The following BRWD1 variants were observed in gnomAD, a reference collection of about 807,000 sequenced individuals.
BRWD1 encodes bromodomain and WD repeat-containing protein 1.
In BRWD1, 82 loss-of-function variants were observed where a neutral mutation model predicts 251.2. That is an observed-to-expected ratio of 0.33 (90% confidence interval 0.27 to 0.39). The LOEUF (loss-of-function observed/expected upper bound fraction) is 0.39, where lower values mean the gene tolerates loss of function less well. Among genes scored for constraint, BRWD1 ranks in the 10% least tolerant of loss-of-function variants. BRWD1 has a pLI of 1.00. For synonymous variants in BRWD1, 918 were observed against 902.8 expected (o/e 1.02, Z -0.30); for missense variants, 2,233 against 2,711.6 (o/e 0.82, Z 3.92).
chr21:39,279,717 G>A lies in BRWD1; in HGVS notation c.932+431C>T, dbSNP rs1290850590. On this transcript the variant is annotated intron_variant, in intron 9 of 40. Coordinates refer to ENST00000342449, the MANE Select transcript of BRWD1 (RefSeq NM_033656.4). ...AAATGTTTTAATACATTAATCAATT[G>A]TAAGTTTTAAATTTAAATTATCAAT... is the stretch of plus-strand genomic sequence containing the variant. 2.7e-5 allele frequency among the ~76,000 whole-genome samples: 4 copies of A among 149,266 alleles called. No individual in the cohort carries two copies. The South Asian group carries it at 8.5e-4, about 32-fold the overall frequency.
intron 8 of BRWD1, among the ~76,000 whole-genome samples, chr21:39,282,978 G>T (rs1021766204): frequency 6.7e-6 from 1 of 149,032 alleles, no homozygotes. Flanking sequence ...AAAAAAAAAG[G>T]AATTCTAAAC....
rs2031557333 is a variant in BRWD1, at chr21:39,191,571, G to T, written c.*4688C>A. ...GCTTGACAGGCTCATGTAATTTTTT[G>T]ATTGGGATTTTGTAGGTGAATATAT... On this transcript the variant is annotated 3_prime_UTR_variant, in exon 41 of 41. Coordinates refer to ENST00000342449, the MANE Select transcript of BRWD1 (RefSeq NM_033656.4). The T allele has an allele frequency of 1.9e-5, 19 of 984,588 alleles. No individual in the cohort carries two copies. Among genetic ancestry groups the T allele is most frequent in the Non-Finnish European group, 2.2e-5 (18 of 829,264 alleles). The allele number at this position is 984,588 out of a possible 1,614,324, so 61.0% of individuals were successfully genotyped here. A position where few individuals can be genotyped will look rare whatever the true frequency, so the allele number is the denominator to read the frequency against.
chr21:39,316,200 A>G (rs1270750433), upstream of BRWD1, among the ~76,000 whole-genome samples: 2 of 152,240 alleles, frequency 1.3e-5, no homozygotes, highest in African/African-American at 4.8e-5. Context: ...TCATAAGGAT[A>G]GAGAAGAGAC....
At chr21:39,247,860 A>G (rs778693138) in intron 20 of BRWD1, 28 bp from the exon 21 acceptor site, 10 of 1,572,844 alleles carry the variant, frequency 6.4e-6, no homozygotes, top group Non-Finnish European at 8.6e-6. Flanking sequence ...ATGCGAATGA[A>G]AATCAACACC....
intron 4 of BRWD1, 123 bp downstream of exon 4, chr21:39,312,718 C>T (rs1177246612): frequency 3.4e-6 from 2 of 582,904 alleles, no homozygotes; most frequent in Non-Finnish European, 5.7e-6. Context: ...CAGCTATCCC[C>T]GGGCCGCCCC....
chr21:39,225,964 T>C (rs2033366824), intron 27 of BRWD1, among the ~76,000 whole-genome samples: 1 of 152,142 alleles, frequency 6.6e-6, no homozygotes, highest in South Asian at 2.1e-4. Flanking sequence ...TAATTACAAC[T>C]GAATGTAATA....
intron 15 of BRWD1, 59 bp from the exon 16 acceptor site, chr21:39,265,078 A>G: frequency 1.9e-6 from 3 of 1,550,660 alleles, no homozygotes; most frequent in Admixed American, 2.0e-5. Context: ...TTTGCTATGT[A>G]AACTTTTTTA....
chr21:39,317,596 G>A (rs907279416), upstream of BRWD1, among the ~76,000 whole-genome samples: 33 of 152,184 alleles, frequency 2.2e-4, no homozygotes, highest in Admixed American at 2.0e-3. Context: ...CCTTGGCCAC[G>A]TTTCACAAAA....
intron 8 of BRWD1, among the ~76,000 whole-genome samples, chr21:39,286,451 A>G (rs763836403): frequency 3.3e-5 from 5 of 152,174 alleles, no homozygotes; most frequent in Admixed American, 6.5e-5. Context: ...GCATTTTTCA[A>G]TTCTCTTGGA....
At chr21:39,222,254 A>G (rs933540428) in intron 29 of BRWD1, among the ~76,000 whole-genome samples, 6 of 152,222 alleles carry the variant, frequency 3.9e-5, no homozygotes, top group African/African-American at 1.4e-4. Context: ...AGGACTATTC[A>G]CCGCCAAATA....
chr21:39,279,806 CT>C (rs1555874000), intron 9 of BRWD1, among the ~76,000 whole-genome samples: 2 of 152,118 alleles, frequency 1.3e-5, no homozygotes, highest in Non-Finnish European at 2.9e-5. Context: ...CTAGTGACTA[CT>C]GTATTAGACA....
intron 29 of BRWD1, chr21:39,219,414 T>A (rs1423045529): frequency 6.6e-6 from 1 of 151,636 alleles, no homozygotes; most frequent in Non-Finnish European, 1.5e-5. Flanking sequence ...GGCAAGACTC[T>A]GTCTCAAAAA....
chr21:39,274,134 C>A (rs2035204305), intron 13 of BRWD1, among the ~76,000 whole-genome samples: 1 of 152,056 alleles, frequency 6.6e-6, no homozygotes, highest in Non-Finnish European at 1.5e-5. Flanking sequence ...TGCTTTGAAC[C>A]ATAGAAAAAG....
chr21:39,282,601 G>A (rs2035505292), intron 8 of BRWD1, among the ~76,000 whole-genome samples: 1 of 151,938 alleles, frequency 6.6e-6, no homozygotes, highest in Non-Finnish European at 1.5e-5. Context: ...TTGCTAATTG[G>A]ACAAAAAAAT....
intron 8 of BRWD1, among the ~76,000 whole-genome samples, chr21:39,292,283 T>C (rs2035839350): frequency 6.6e-6 from 1 of 152,120 alleles, no homozygotes; most frequent in Non-Finnish European, 1.5e-5. Flanking sequence ...TAAGTCTTAA[T>C]AAATCTTGTC....
chr21:39,229,808 A>G (rs1488904547), intron 25 of BRWD1, among the ~76,000 whole-genome samples: 2 of 152,180 alleles, frequency 1.3e-5, no homozygotes, highest in Non-Finnish European at 2.9e-5. Flanking sequence ...ATCATGGCTC[A>G]CTGCAATCTC....
At chr21:39,312,785 C>A (rs1361375033) in intron 4 of BRWD1, 56 bp downstream of exon 4, 3 of 1,439,826 alleles carry the variant, frequency 2.1e-6, no homozygotes, top group South Asian at 1.2e-5. Flanking sequence ...GGGGAAGGGG[C>A]GGGGGCGGGG....
chr21:39,295,715 T>C, intron 7 of BRWD1, 28 bp downstream of exon 7: 2 of 1,524,948 alleles, frequency 1.3e-6, no homozygotes, highest in Non-Finnish European at 1.8e-6. Flanking sequence ...CTAGATGACA[T>C]CAAATCAAGT....
chr21:39,186,297 A>T lies in BRWD1; in HGVS notation c.*9962T>A, dbSNP rs1161983090. ...TGATAGTAACATTCATAGCTTTCAT[A>T]GAAAAATATATATTCCCTGAATTAG... is the stretch of plus-strand genomic sequence containing the variant. On this transcript the variant is annotated 3_prime_UTR_variant, in exon 41 of 41. Transcript: ENST00000342449. The T allele has an allele frequency of 6.6e-6, 1 of 152,250 alleles. No homozygotes were observed. Among genetic ancestry groups the T allele is most frequent in the Non-Finnish European group, 1.5e-5 (1 of 68,026 alleles). The allele number at this position is 152,250 out of a possible 1,614,324, so 9.4% of individuals were successfully genotyped here.
Sources: allele counts gnomAD v4.1 joint callset (sites outside exome capture counted in the v4.1 genomes callset), GRCh38; gene constraint gnomAD v4.1.1; transcripts MANE v1.5; gene names NCBI Gene and HGNC (gene_info 2026-07-23, HGNC 2026-07-21).